The following RASGRF2 variants were observed in gnomAD, a reference collection of about 807,000 sequenced individuals.
RASGRF2 encodes the protein Ras protein specific guanine nucleotide releasing factor 2.
RASGRF2 carries 76 observed loss-of-function variants against 151.0 expected under a neutral mutation model. That is an observed-to-expected ratio of 0.50 (90% confidence interval 0.42 to 0.61). The LOEUF is 0.61. Among genes scored for constraint, RASGRF2 ranks in the 20% least tolerant of loss-of-function variants. The probability of loss-of-function intolerance (pLI) is 0.00; values close to 1 mark genes in which losing one functional copy is unlikely to be tolerated. For synonymous variants in RASGRF2, 504 were observed against 566.5 expected, an observed-to-expected ratio of 0.89 and a Z score of 1.57; for missense variants, 1,148 against 1,564.6, an observed-to-expected ratio of 0.73 and a Z score of 4.49.
intron 1 of RASGRF2, among the ~76,000 whole-genome samples, chr5:81,024,607 A>G (rs142077673): frequency 6.6e-6 from 1 of 152,244 alleles, no homozygotes; most frequent in African/African-American, 2.4e-5. Context: ...GAAGAAAATG[A>G]CTACATAACT....
intron 4 of RASGRF2, among the ~76,000 whole-genome samples, chr5:81,072,105 G>A (rs16878399): frequency 0.16 from 24,200 of 152,088 alleles, 2,351 homozygotes; most frequent in East Asian, 0.42. Context: ...ATGGAAAAAA[G>A]TGTTAACAAT....
intron 12 of RASGRF2, among the ~76,000 whole-genome samples, chr5:81,099,343 C>G (rs1008223558): frequency 1.3e-5 from 2 of 152,194 alleles, no homozygotes; most frequent in Admixed American, 1.3e-4. Flanking sequence ...TCAGCTGCAT[C>G]AATTTACTGC....
At chr5:81,034,809 G>GGC (rs1554087633) in intron 1 of RASGRF2, among the ~76,000 whole-genome samples, 2 of 84,208 alleles carry the variant, frequency 2.4e-5, no homozygotes, top group East Asian at 6.0e-4. Context: ...TGGGGTGGGA[G>GGC]GGGGGTAGGG....
At chr5:81,012,154 G>A (rs1248525659) in intron 1 of RASGRF2, among the ~76,000 whole-genome samples, 1 of 152,144 alleles carries the variant, frequency 6.6e-6, no homozygotes, top group Non-Finnish European at 1.5e-5. Flanking sequence ...CCTTAATCCA[G>A]ATTTCCTAGT....
intron 1 of RASGRF2, among the ~76,000 whole-genome samples, chr5:80,974,277 T>A (rs954884703): frequency 6.6e-6 from 1 of 152,248 alleles, no homozygotes; most frequent in Non-Finnish European, 1.5e-5. Flanking sequence ...GTTTTCCAAG[T>A]GGTAGCACAA....
intron 1 of RASGRF2, among the ~76,000 whole-genome samples, chr5:80,965,295 C>T (rs1747689406): frequency 6.6e-6 from 1 of 151,986 alleles, no homozygotes; most frequent in East Asian, 1.9e-4. Context: ...TAATTATAAC[C>T]AACTCAACTT....
intron 17 of RASGRF2, among the ~76,000 whole-genome samples, chr5:81,177,068 A>G (rs1020721): frequency 0.83 from 125,957 of 151,976 alleles, 52,293 homozygotes; most frequent in East Asian, 0.9. Flanking sequence ...TGGATGTTAC[A>G]ATCCCAACAC....
At chr5:81,000,121 T>A (rs1462523031) in intron 1 of RASGRF2, among the ~76,000 whole-genome samples, 3 of 152,210 alleles carry the variant, frequency 2.0e-5, no homozygotes, top group Non-Finnish European at 4.4e-5. Flanking sequence ...GTTCACATTC[T>A]GGTACCTGGG....
chr5:81,186,365 C>T (rs147437924), intron 18 of RASGRF2, among the ~76,000 whole-genome samples: 11 of 152,204 alleles, frequency 7.2e-5, no homozygotes, highest in African/African-American at 2.6e-4. Flanking sequence ...ACCCCATGCT[C>T]TATTAGTTTT....
intron 17 of RASGRF2, among the ~76,000 whole-genome samples, chr5:81,142,456 G>C (rs1412033815): frequency 6.6e-6 from 1 of 152,224 alleles, no homozygotes; most frequent in Non-Finnish European, 1.5e-5. Flanking sequence ...CAGGCTGCCT[G>C]TGTAACCTGT....
At chr5:81,005,340 T>G (rs1247104217) in intron 1 of RASGRF2, among the ~76,000 whole-genome samples, 1 of 151,954 alleles carries the variant, frequency 6.6e-6, no homozygotes, top group Admixed American at 6.6e-5. Flanking sequence ...CGAGCGAAGG[T>G]GGGGAAAAGC....
intron 22 of RASGRF2, among the ~76,000 whole-genome samples, chr5:81,211,276 G>C (rs1026517502): frequency 2.0e-5 from 3 of 151,620 alleles, no homozygotes; most frequent in African/African-American, 7.3e-5. Context: ...TTTGTGTTTC[G>C]CTGCATGGCA....
chr5:81,032,458 T>A (rs1015901226), intron 1 of RASGRF2, among the ~76,000 whole-genome samples: 1 of 152,154 alleles, frequency 6.6e-6, no homozygotes, highest in Non-Finnish European at 1.5e-5. Flanking sequence ...ACAATCAAGT[T>A]GGCTTCATCC....
At chr5:80,966,546 G>A (rs114729567) in intron 1 of RASGRF2, among the ~76,000 whole-genome samples, 2,036 of 152,118 alleles carry the variant, frequency 0.013, 43 homozygotes, top group African/African-American at 0.043. Context: ...TTAAATTTTA[G>A]CTGATTGAGA....
At chr5:81,037,175 A>G (rs530855350) in intron 1 of RASGRF2, among the ~76,000 whole-genome samples, 2 of 152,326 alleles carry the variant, frequency 1.3e-5, no homozygotes, top group Admixed American at 1.3e-4. Context: ...ATCTCTCACC[A>G]GGTCCACACA....
At chr5:81,171,505 G>A (rs1754656113) in intron 17 of RASGRF2, among the ~76,000 whole-genome samples, 1 of 151,846 alleles carries the variant, frequency 6.6e-6, no homozygotes, top group African/African-American at 2.4e-5. Context: ...AAGTTGAGCA[G>A]ACAAGAAAAT....
chr5:81,043,046 G>A, intron 2 of RASGRF2, 63 bp downstream of exon 2: 2 of 1,258,132 alleles, frequency 1.6e-6, no homozygotes, highest in Non-Finnish European at 2.2e-6. Context: ...GGTTATCACT[G>A]TTGGTGGTAG....
At chr5:81,155,217 C>T (rs549588386) in intron 17 of RASGRF2, among the ~76,000 whole-genome samples, 11 of 152,152 alleles carry the variant, frequency 7.2e-5, no homozygotes, top group East Asian at 1.9e-4. Flanking sequence ...AAAATGATCT[C>T]GAATCAGTCA....
intron 17 of RASGRF2, among the ~76,000 whole-genome samples, chr5:81,153,106 G>T (rs1754174056): frequency 6.6e-6 from 1 of 152,172 alleles, no homozygotes; most frequent in Non-Finnish European, 1.5e-5. Context: ...TAACACTAAA[G>T]AAGGCATAAA....
Sources: gnomAD v4.1 joint callset for allele counts (sites outside exome capture counted in the v4.1 genomes callset) on GRCh38, gnomAD v4.1.1 for gene constraint, MANE v1.5 for transcripts, NCBI Gene and HGNC (gene_info 2026-07-23, HGNC 2026-07-21) for gene names.